RNGTT: variants seen among roughly 807,000 people sequenced by gnomAD.
The protein encoded by RNGTT is RNA guanylyltransferase and 5'-phosphatase.
A neutral mutation model predicts 79.3 loss-of-function variants in RNGTT; 33 were observed. That is an observed-to-expected ratio of 0.42 (90% CI 0.32 to 0.56). The LOEUF is 0.56. Among genes scored for constraint, RNGTT ranks in the 20% least tolerant of loss-of-function variants. The pLI, the probability that RNGTT is intolerant of heterozygous loss-of-function variation, is 0.17. For synonymous variants in RNGTT, 222 were observed against 235.9 expected, an observed-to-expected ratio of 0.94 and a Z score of 0.54; for missense variants, 497 against 739.1, an observed-to-expected ratio of 0.67 and a Z score of 3.80.
chr6:88,801,430 G>T (rs1779779127), intron 12 of RNGTT, 134 bp downstream of exon 12: 4 of 526,916 alleles, frequency 7.6e-6, no homozygotes, highest in Admixed American at 3.5e-5. Context: ...AAGGAAAAGT[G>T]GCAATCACAG....
At chr6:88,917,545 G>C (rs1784036837) in intron 4 of RNGTT, among the ~76,000 whole-genome samples, 1 of 152,144 alleles carries the variant, frequency 6.6e-6, no homozygotes, top group African/African-American at 2.4e-5. Context: ...TGGAGATATA[G>C]TAAAGAATTT....
chr6:88,891,306 T>C (rs1432166174), intron 7 of RNGTT, among the ~76,000 whole-genome samples: 1 of 152,110 alleles, frequency 6.6e-6, no homozygotes, highest in Non-Finnish European at 1.5e-5. Flanking sequence ...CAGATACCAA[T>C]GATCAGCAGA....
At chr6:88,826,733 A>G (rs966346018) in intron 11 of RNGTT, among the ~76,000 whole-genome samples, 1 of 150,540 alleles carries the variant, frequency 6.6e-6, no homozygotes, top group Non-Finnish European at 1.5e-5. Context: ...CGATGAGCCA[A>G]TATCACACCA....
At chr6:88,940,990 A>G in intron 2 of RNGTT, 81 bp downstream of exon 2, 1 of 700,352 alleles carries the variant, frequency 1.4e-6, no homozygotes, top group East Asian at 2.8e-5. Context: ...TAAAATAATA[A>G]GATTTTTTTA....
At chr6:88,794,646 T>C (rs576373027) in intron 12 of RNGTT, among the ~76,000 whole-genome samples, 17 of 152,150 alleles carry the variant, frequency 1.1e-4, no homozygotes, top group South Asian at 4.1e-4. Context: ...CCACAGCCCA[T>C]AGATTTTGTG....
intron 13 of RNGTT, among the ~76,000 whole-genome samples, chr6:88,747,079 T>C (rs1235798588): frequency 6.6e-6 from 1 of 152,112 alleles, no homozygotes; most frequent in African/African-American, 2.4e-5. Flanking sequence ...CTCTTACACA[T>C]GGGTTAAGGG....
chr6:88,864,950 GT>G (rs1582558166), intron 8 of RNGTT, among the ~76,000 whole-genome samples: 1 of 152,034 alleles, frequency 6.6e-6, no homozygotes, highest in East Asian at 1.9e-4. Context: ...GGAAGTTACT[GT>G]TTAATGAGTA....
At chr6:88,929,984 A>G (rs1784446738) in intron 2 of RNGTT, among the ~76,000 whole-genome samples, 1 of 149,396 alleles carries the variant, frequency 6.7e-6, no homozygotes, top group African/African-American at 2.5e-5. Flanking sequence ...GCATATGTGC[A>G]TATACATGTA....
At chr6:88,633,715 CA>C (rs1265463993) in intron 14 of RNGTT, among the ~76,000 whole-genome samples, 1 of 151,954 alleles carries the variant, frequency 6.6e-6, no homozygotes, top group African/African-American at 2.4e-5. Context: ...GACTGAAAAC[CA>C]AATCAAAACA....
At chr6:88,679,081 A>G (rs920090209) in intron 13 of RNGTT, among the ~76,000 whole-genome samples, 5 of 152,074 alleles carry the variant, frequency 3.3e-5, no homozygotes, top group Admixed American at 3.3e-4. Context: ...GATAACAAGG[A>G]TGAAGACCTG....
chr6:88,683,575 A>G (rs1775167685), intron 13 of RNGTT, among the ~76,000 whole-genome samples: 1 of 152,212 alleles, frequency 6.6e-6, no homozygotes, highest in African/African-American at 2.4e-5. Context: ...AAGTTAGCAT[A>G]ACTTTGACAT....
chr6:88,888,462 T>C (rs144119716), intron 8 of RNGTT, among the ~76,000 whole-genome samples: 1 of 152,316 alleles, frequency 6.6e-6, no homozygotes, highest in African/African-American at 2.4e-5. Flanking sequence ...CTAATTTTCA[T>C]TTATCCATCA....
At chr6:88,646,674 T>G (rs942573347) in intron 14 of RNGTT, among the ~76,000 whole-genome samples, 16 of 152,156 alleles carry the variant, frequency 1.1e-4, no homozygotes, top group Non-Finnish European at 2.4e-4. Context: ...TAAAAAATGA[T>G]GAGTTCATGT....
intron 4 of RNGTT, among the ~76,000 whole-genome samples, chr6:88,907,936 T>C (rs959607569): frequency 2.0e-5 from 3 of 152,054 alleles, no homozygotes; most frequent in Non-Finnish European, 4.4e-5. Context: ...GGTCTCATTA[T>C]GTTGCTCAGG....
intron 12 of RNGTT, 60 bp from the exon 13 acceptor site, chr6:88,769,934 G>A (rs1778592779): frequency 1.8e-6 from 2 of 1,120,964 alleles, no homozygotes; most frequent in South Asian, 1.5e-5. Context: ...AACATTCAAT[G>A]TATTAAACCT....
chr6:88,895,001 A>C (rs577339077), intron 6 of RNGTT, among the ~76,000 whole-genome samples: 67 of 152,200 alleles, frequency 4.4e-4, no homozygotes, highest in Non-Finnish European at 8.8e-4. Flanking sequence ...ATTGAGTATT[A>C]AAGTCACTGA....
intron 6 of RNGTT, among the ~76,000 whole-genome samples, chr6:88,900,884 A>G (rs1393471453): frequency 6.6e-6 from 1 of 151,812 alleles, no homozygotes; most frequent in Non-Finnish European, 1.5e-5. Flanking sequence ...GCTCACGCCT[A>G]TAATGCTAGC....
chr6:88,948,937 A>G (rs1261801022), intron 1 of RNGTT, among the ~76,000 whole-genome samples: 18 of 92,068 alleles, frequency 2.0e-4, no homozygotes, highest in African/African-American at 7.8e-4. Flanking sequence ...AGTCATCACC[A>G]ATCCCTAATC....
At chr6:88,613,966 C>G (rs1772126136) in intron 15 of RNGTT, among the ~76,000 whole-genome samples, 1 of 152,146 alleles carries the variant, frequency 6.6e-6, no homozygotes, top group African/African-American at 2.4e-5. Context: ...TTGAATAGAT[C>G]TGAAATTATC....
Sources: gnomAD v4.1 joint callset for allele counts (sites outside exome capture counted in the v4.1 genomes callset) on GRCh38, gnomAD v4.1.1 for gene constraint, MANE v1.5 for transcripts, NCBI Gene and HGNC (gene_info 2026-07-23, HGNC 2026-07-21) for gene names.